The following NXPE2 variants were observed in gnomAD, a reference collection of about 807,000 sequenced individuals.
The protein encoded by NXPE2 is NXPE family member 2.
A neutral mutation model predicts 34.4 loss-of-function variants in NXPE2; 34 were observed. The ratio of observed to expected loss-of-function variants is 0.99; its 90% CI spans 0.75 to 1.31. The LOEUF (loss-of-function observed/expected upper bound fraction) is 1.31, where lower values mean the gene tolerates loss of function less well. Ranked by LOEUF, NXPE2 falls within the 40% of genes most tolerant of loss-of-function variation. NXPE2 has a pLI of 0.00. For synonymous variants in NXPE2, 235 were observed against 231.3 expected (o/e 1.02, Z -0.15); for missense variants, 649 against 672.5 (o/e 0.97, Z 0.39).
chr11:114,596,891 A>G, the NXPE2 span, among the ~76,000 whole-genome samples: 40 of 152,320 alleles, frequency 2.6e-4, no homozygotes, highest in African/African-American at 8.9e-4. Context: ...TGCTTGACTT[A>G]AAGAACCAAG....
chr11:114,568,391 C>G, the NXPE2 span, among the ~76,000 whole-genome samples: 2 of 152,092 alleles, frequency 1.3e-5, no homozygotes, highest in African/African-American at 2.4e-5. Context: ...TCTACCATTC[C>G]TGGAGCTTCA....
the NXPE2 span, among the ~76,000 whole-genome samples, chr11:114,554,934 G>A: frequency 6.6e-6 from 1 of 152,120 alleles, no homozygotes; most frequent in Non-Finnish European, 1.5e-5. Context: ...AGAGCTTGAT[G>A]TTTACCTTCC....
the NXPE2 span, among the ~76,000 whole-genome samples, chr11:114,584,877 C>T: frequency 6.6e-6 from 1 of 152,138 alleles, no homozygotes; most frequent in East Asian, 1.9e-4. Context: ...GTGATCTCTT[C>T]TAGGAAATGC....
chr11:114,764,731 TTCAG>T, the NXPE2 span, among the ~76,000 whole-genome samples: 1 of 152,160 alleles, frequency 6.6e-6, no homozygotes, highest in East Asian at 1.9e-4. Flanking sequence ...TCTCCTTGTA[TTCAG>T]TCAGGATGGG....
At chr11:114,580,100 G>T in the NXPE2 span, 1 of 1,534,790 alleles carries the variant, frequency 6.5e-7, no homozygotes, top group South Asian at 1.1e-5. Flanking sequence ...TTTCTGAAAG[G>T]GGTAAGAATT....
the NXPE2 span, among the ~76,000 whole-genome samples, chr11:114,620,352 T>C: frequency 6.6e-6 from 1 of 151,112 alleles, no homozygotes; most frequent in African/African-American, 2.4e-5. Context: ...TGGTAACCAC[T>C]GTTACCGGTG....
At chr11:114,521,988 A>C in the NXPE2 span, 1 of 1,612,090 alleles carries the variant, frequency 6.2e-7, no homozygotes. Context: ...TAGTTTAAGA[A>C]CATGTTAATC....
chr11:114,747,772 G>A, the NXPE2 span, among the ~76,000 whole-genome samples: 26 of 152,144 alleles, frequency 1.7e-4, no homozygotes, highest in Non-Finnish European at 2.1e-4. Context: ...TGAGAGTTGG[G>A]TGAGGACACA....
chr11:114,784,721 C>T, the NXPE2 span, among the ~76,000 whole-genome samples: 1 of 152,064 alleles, frequency 6.6e-6, no homozygotes, highest in Non-Finnish European at 1.5e-5. Context: ...GACCCAGGTG[C>T]TTTGAAATGG....
the NXPE2 span, among the ~76,000 whole-genome samples, chr11:114,715,911 A>G: frequency 8.5e-5 from 13 of 152,084 alleles, no homozygotes; most frequent in African/African-American, 2.9e-4. Flanking sequence ...CTGTTTAAAA[A>G]CCTGCATTTC....
chr11:114,800,933 C>A, the NXPE2 span, among the ~76,000 whole-genome samples: 1 of 152,168 alleles, frequency 6.6e-6, no homozygotes, highest in Non-Finnish European at 1.5e-5. Context: ...ACTTTATAAT[C>A]TATTAAGTTC....
the NXPE2 span, among the ~76,000 whole-genome samples, chr11:114,732,531 T>C: frequency 1.3e-5 from 2 of 152,252 alleles, no homozygotes; most frequent in African/African-American, 2.4e-5. Context: ...CCTGTGACAC[T>C]GGTTTTTGAC....
At chr11:114,626,778 T>G in the NXPE2 span, among the ~76,000 whole-genome samples, 21,971 of 151,842 alleles carry the variant, frequency 0.14, 1,957 homozygotes, top group East Asian at 0.38. Context: ...TGAAAAAAAT[T>G]TAGAATAATG....
the NXPE2 span, among the ~76,000 whole-genome samples, chr11:114,539,913 A>G: frequency 5.4e-4 from 83 of 152,328 alleles, no homozygotes; most frequent in African/African-American, 1.9e-3. Flanking sequence ...AAACCCAAAG[A>G]TTCCTATCAC....
the NXPE2 span, among the ~76,000 whole-genome samples, chr11:114,601,726 ATATATT>A: frequency 4.2e-5 from 3 of 70,766 alleles, no homozygotes; most frequent in African/African-American, 1.2e-4. Flanking sequence ...TATTATAATT[ATATATT>A]ATATATAATT....
the NXPE2 span, among the ~76,000 whole-genome samples, chr11:114,800,942 T>A: frequency 2.0e-5 from 3 of 152,216 alleles, no homozygotes; most frequent in Non-Finnish European, 4.4e-5. Flanking sequence ...TCTATTAAGT[T>A]CTAAACTATG....
the NXPE2 span, among the ~76,000 whole-genome samples, chr11:114,638,635 G>A: frequency 6.6e-6 from 1 of 152,148 alleles, no homozygotes; most frequent in East Asian, 1.9e-4. Context: ...TGTACAGATA[G>A]GTTTTTGGTG....
chr11:114,774,444 G>A, the NXPE2 span, among the ~76,000 whole-genome samples: 1 of 152,198 alleles, frequency 6.6e-6, no homozygotes, highest in African/African-American at 2.4e-5. Context: ...TGAAGGAGGC[G>A]GCTGCTAGTC....
the NXPE2 span, among the ~76,000 whole-genome samples, chr11:114,721,685 A>G: frequency 2.0e-5 from 3 of 152,160 alleles, no homozygotes. Flanking sequence ...TATTGATAAT[A>G]TTTTATTTAC....
Sources: allele counts gnomAD v4.1 joint callset (sites outside exome capture counted in the v4.1 genomes callset), GRCh38; gene constraint gnomAD v4.1.1; transcripts MANE v1.5; gene names NCBI Gene and HGNC (gene_info 2026-07-23, HGNC 2026-07-21).